LRRC9: variants seen among roughly 807,000 people sequenced by gnomAD.
The protein encoded by LRRC9 is leucine-rich repeat-containing protein 9.
A neutral mutation model predicts 63.2 loss-of-function variants in LRRC9; 122 were observed. The observed-to-expected ratio is 1.93, with a 90% CI of 1.67 to 2.24. The LOEUF (loss-of-function observed/expected upper bound fraction) is 2.24, where lower values mean the gene tolerates loss of function less well. Ranked by LOEUF, LRRC9 falls within the 30% of genes most tolerant of loss-of-function variation. The probability of loss-of-function intolerance (pLI) is 0.00; values close to 1 mark genes in which losing one functional copy is unlikely to be tolerated. For synonymous variants in LRRC9, 366 were observed against 213.1 expected, an observed-to-expected ratio of 1.72 and a Z score of -6.25; for missense variants, 1,071 against 627.7, an observed-to-expected ratio of 1.71 and a Z score of -7.55.
Position 59,923,326 on chromosome 14 carries a change from T to C in LRRC9, c.-34+3443T>C, listed in dbSNP as rs562741152. ...ATTTTCTGCTAAATAAGTGCATTGA[T>C]GAAGAGAAAATAAGTTGAAGTGAGA... On this transcript the variant is annotated intron_variant, in intron 1 of 31. Transcript: ENST00000445360. The surrounding 1 kb of genome is among the most constrained non-coding windows in gnomAD (Gnocchi z 4.2). Among the ~76,000 whole-genome samples, 35 of 152,338 alleles carry C rather than the reference T, an allele frequency of 2.3e-4. No homozygotes were observed. The highest frequency in any genetic ancestry group is 7.5e-4 in the African/African-American group (31 of 41,576).
intron 27 of LRRC9, among the ~76,000 whole-genome samples, chr14:60,023,195 G>T (rs935579110): frequency 2.6e-5 from 4 of 151,970 alleles, no homozygotes; most frequent in Non-Finnish European, 5.9e-5. Flanking sequence ...TACTATGAAA[G>T]ATATGGAAGT....
intron 29 of LRRC9, among the ~76,000 whole-genome samples, chr14:60,038,365 C>T (rs1217113207): frequency 6.6e-6 from 1 of 152,162 alleles, no homozygotes; most frequent in African/African-American, 2.4e-5. Context: ...GCAGTATGGC[C>T]ATTTTCACAA....
rs1881415301 is a variant in LRRC9 at position 59,938,998 on chromosome 14, C to CACACAT, written c.726+427_726+428insCACATA. Reference sequence around the variant, plus strand: ...ATATACATATATACACACATATATACATATACATATATACACATATATATA... The same window carrying CACACAT: ...ATATACATATATACACACATATATACACACATATATACATATATACACATATATATA... On this transcript the variant is annotated intron_variant, in intron 7 of 31. Transcript: ENST00000445360. This position sits in a 1 kb window ranked among gnomAD's most constrained non-coding sequence, Gnocchi z 4.2. Among the ~76,000 whole-genome samples, 8 of 127,064 alleles carry CACACAT rather than the reference C, an allele frequency of 6.3e-5. No individual in the cohort carries two copies. Among genetic ancestry groups the CACACAT allele is most frequent in the South Asian group, 2.7e-4 (1 of 3,704 alleles). The allele number at this position is 127,064 out of a possible 152,430, so 83.4% of individuals were successfully genotyped here.
At position 60,004,203 on chromosome 14, in the gene LRRC9, C is replaced by G. The variant is rs912198687; in HGVS notation, c.2842+405C>G. ...CTCTGTGCTAGTTTATAATCTGTTA[C>G]CAAACATTAGCACATACCAACTAGT... On this transcript the variant is annotated intron_variant, in intron 21 of 31. Coordinates refer to ENST00000445360, the Ensembl canonical transcript of LRRC9. This position sits in a 1 kb window ranked among gnomAD's most constrained non-coding sequence, Gnocchi z 4.8. Among the ~76,000 whole-genome samples the G allele has an allele frequency of 6.6e-6, 1 of 152,022 alleles. No individual in the cohort carries two copies. Among genetic ancestry groups the G allele is most frequent in the Admixed American group, 6.6e-5 (1 of 15,252 alleles).
chr14:59,999,355 A>G, intron 19 of LRRC9, 129 bp downstream of exon 19: 1 of 483,974 alleles, frequency 2.1e-6, no homozygotes, highest in Non-Finnish European at 3.6e-6. Context: ...ATATAGAGCA[A>G]TCATACCACT....
chr14:60,035,678 T>C (rs1892369525), intron 29 of LRRC9, among the ~76,000 whole-genome samples: 1 of 152,214 alleles, frequency 6.6e-6, no homozygotes, highest in African/African-American at 2.4e-5. Flanking sequence ...CTGGGTTATC[T>C]ATTCTGTCAC....
At chr14:60,006,564 T>C (rs1344497314) in exon 22 of LRRC9, 1 of 701,464 alleles carries the variant, frequency 1.4e-6, no homozygotes, top group Non-Finnish European at 2.6e-6. Flanking sequence ...TCTTGTTGAG[T>C]TATACATAAG....
chr14:60,041,591 A>C (rs890468010), intron 29 of LRRC9, among the ~76,000 whole-genome samples: 1 of 152,226 alleles, frequency 6.6e-6, no homozygotes, highest in Non-Finnish European at 1.5e-5. Flanking sequence ...TTTCAGCTCC[A>C]TCAGGTCATT....
chr14:59,949,292 G>T (rs1048001789), intron 8 of LRRC9, among the ~76,000 whole-genome samples: 15 of 152,172 alleles, frequency 9.9e-5, no homozygotes, highest in African/African-American at 3.6e-4. Flanking sequence ...CTAGTTAATT[G>T]CGTAGAGGTG....
chr14:60,017,791 A>G lies in LRRC9; in HGVS notation c.3318-580A>G, dbSNP rs1372689322. On this transcript the variant is annotated intron_variant, in intron 24 of 31. Coordinates refer to ENST00000445360, the Ensembl canonical transcript of LRRC9. This position sits in a 1 kb window ranked among gnomAD's most constrained non-coding sequence, Gnocchi z 4.0. Reference sequence around the variant, plus strand: ...TATGCTCTTCTCTGTCATGGCTCAAATGAAGATATAGCTATAGACTGGGAA... The same window carrying G: ...TATGCTCTTCTCTGTCATGGCTCAAGTGAAGATATAGCTATAGACTGGGAA... 6.6e-6 allele frequency among the ~76,000 whole-genome samples: 1 copy of G among 152,148 alleles called. No homozygotes were observed. Among genetic ancestry groups the G allele is most frequent in the Non-Finnish European group, 1.5e-5 (1 of 68,002 alleles).
At chr14:60,066,467 A>T (rs539011944), downstream of LRRC9, among the ~76,000 whole-genome samples, 16 of 152,114 alleles carry the variant, frequency 1.1e-4, no homozygotes, top group Non-Finnish European at 1.6e-4. Flanking sequence ...TCCTTTGGTT[A>T]TTCAGTGAAG....
At position 59,966,211 on chromosome 14, in the gene LRRC9, TCATCTAGGGAGAGTGTTCGTGGAAG is replaced by T. The variant is rs977556685; in HGVS notation, c.1212-375_1212-351del. 2.1e-4 allele frequency among the ~76,000 whole-genome samples: 32 copies of T among 152,266 alleles called. No individual in the cohort carries two copies. In the East Asian group the frequency reaches 2.3e-3, roughly 11 times the overall value. On this transcript the variant is annotated intron_variant, in intron 10 of 31. Coordinates refer to ENST00000445360, the Ensembl canonical transcript of LRRC9. This position sits in a 1 kb window ranked among gnomAD's most constrained non-coding sequence, Gnocchi z 4.0. ...TATAAAGCCAAGGAACCACGTGAAA[TCATCTAGGGAGAGTGTTCGTGGAAG>T]CAAGAGGAAGGCCAAAGGCTGATCC...
chr14:59,921,851 C>T (rs1457351517), intron 1 of LRRC9, among the ~76,000 whole-genome samples: 9 of 151,268 alleles, frequency 5.9e-5, no homozygotes, highest in South Asian at 2.1e-4. Context: ...TTTGGGAAGC[C>T]GAGGCGGGTG....
Position 60,003,475 on chromosome 14 carries a change from G to A in LRRC9, c.2665-146G>A. 1 of 534,404 alleles carries A rather than the reference G, an allele frequency of 1.9e-6. No homozygotes were observed. The highest frequency in any genetic ancestry group is 3.3e-6 in the Non-Finnish European group (1 of 306,856). The allele number at this position is 534,404 out of a possible 1,614,324, so 33.1% of individuals were successfully genotyped here. A position where few individuals can be genotyped will look rare whatever the true frequency, so the allele number is the denominator to read the frequency against. On this transcript the variant is annotated intron_variant, in intron 20 of 31. Transcript: ENST00000445360. This position sits in a 1 kb window ranked among gnomAD's most constrained non-coding sequence, Gnocchi z 4.2. ...AATTTTACTTTTCTGTAAACTGACA[G>A]CTTCACAATATCTTTAGCTCCTGAA...
At chr14:59,961,337 GA>G (rs1032051526) in intron 10 of LRRC9, among the ~76,000 whole-genome samples, 2 of 151,222 alleles carry the variant, frequency 1.3e-5, no homozygotes, top group African/African-American at 2.4e-5. Context: ...ATATAATTTA[GA>G]AAAAAAAATT....
intron 12 of LRRC9, among the ~76,000 whole-genome samples, chr14:59,973,766 T>G (rs374545465): frequency 6.6e-6 from 1 of 152,112 alleles, no homozygotes; most frequent in Non-Finnish European, 1.5e-5. Context: ...ACTGTATTTA[T>G]TTTTTCAGAA....
intron 29 of LRRC9, among the ~76,000 whole-genome samples, chr14:60,041,787 T>C (rs1892966412): frequency 6.6e-6 from 1 of 152,248 alleles, no homozygotes; most frequent in South Asian, 2.1e-4. Context: ...GTTCTGTTGC[T>C]GGCGAGGAGC....
chr14:59,938,410 G>A lies in LRRC9; in HGVS notation c.564G>A (p.Arg188=). ...TTTAGGAACTCACGAACTTAACCAG[G>A]CTGCCTTGCTTAAAGGATTTATGTC... Residue 188 remains arginine, a synonymous_variant, in exon 7 of 32, where the codon AGG becomes AGA. Coordinates refer to ENST00000445360, the Ensembl canonical transcript of LRRC9. The surrounding 1 kb of genome is among the most constrained non-coding windows in gnomAD (Gnocchi z 4.2). 1 of 687,930 alleles carries A rather than the reference G, an allele frequency of 1.5e-6. No homozygotes were observed. The allele number at this position is 687,930 out of a possible 1,614,324, so 42.6% of individuals were successfully genotyped here.
intron 12 of LRRC9, chr14:59,973,653 T>C (rs1174699737): frequency 6.6e-6 from 1 of 152,136 alleles, no homozygotes; most frequent in Non-Finnish European, 1.5e-5. Context: ...TATACTGCAT[T>C]GTTTGCTATT....
Sources: allele counts gnomAD v4.1 joint callset (sites outside exome capture counted in the v4.1 genomes callset), GRCh38; gene constraint gnomAD v4.1.1; non-coding constraint Gnocchi (gnomAD v3.1); transcripts MANE v1.5; gene names NCBI Gene and HGNC (gene_info 2026-07-23, HGNC 2026-07-21).